Variants in GABRB3 observed in about 807,000 individuals in gnomAD.
The protein encoded by GABRB3 is gamma-aminobutyric acid type A receptor subunit beta3, also known as gamma-aminobutyric acid receptor subunit beta-3.
In GABRB3, 14 loss-of-function variants were observed where a neutral mutation model predicts 52.1. That is an observed-to-expected ratio of 0.27 (90% CI 0.18 to 0.42). The LOEUF is 0.42. GABRB3 is among the 10% of genes least tolerant of loss of function. GABRB3 has a pLI of 1.00. For missense variants in GABRB3, 307 were observed against 609.1 expected, an observed-to-expected ratio of 0.50 and a Z score of 5.22; for synonymous variants, 260 against 232.3, an observed-to-expected ratio of 1.12 and a Z score of -1.08.
chr15:26,624,926 G>T lies in GABRB3; in HGVS notation c.241-3392C>A, dbSNP rs565085774. Reference sequence around the variant, plus strand: ...ACTGAGCCAGGAACAGCGGGCAGCCGCTTGTGTGAGTGATCCTTCAGCAAA... The same window carrying T: ...ACTGAGCCAGGAACAGCGGGCAGCCTCTTGTGTGAGTGATCCTTCAGCAAA... On this transcript the variant is annotated intron_variant, in intron 3 of 8. Transcript: ENST00000311550. 8.1e-6 allele frequency: 8 copies of T among 985,544 alleles called. No individual in the cohort carries two copies. The East Asian group carries it at 9.1e-4, about 112-fold the overall frequency. The allele number at this position is 985,544 out of a possible 1,614,324, so 61.0% of individuals were successfully genotyped here.
chr15:26,560,259 C>A (rs1221133062), intron 8 of GABRB3, among the ~76,000 whole-genome samples: 1 of 152,170 alleles, frequency 6.6e-6, no homozygotes, highest in Non-Finnish European at 1.5e-5. Context: ...CAAGCCTGCC[C>A]AAGTCCTACA....
At chr15:26,607,019 A>C (rs953988888) in intron 4 of GABRB3, among the ~76,000 whole-genome samples, 7 of 152,138 alleles carry the variant, frequency 4.6e-5, no homozygotes, top group African/African-American at 1.7e-4. Context: ...TACTTCAACC[A>C]CTCAAAGACT....
chr15:26,560,167 G>A lies in GABRB3; in HGVS notation c.1080+765C>T, dbSNP rs184329423. 4.2e-3 allele frequency among the ~76,000 whole-genome samples: 641 copies of A among 152,246 alleles called. 7 individuals are homozygous for A. Among genetic ancestry groups the A allele is most frequent in the Middle Eastern group, 6.8e-3 (2 of 294 alleles). On this transcript the variant is annotated intron_variant, in intron 8 of 8. Coordinates refer to ENST00000311550, the MANE Select transcript of GABRB3 (RefSeq NM_000814.6). ...TTTGTAGGAAACTATAGATGATTTT[G>A]GCTTCTCCAGCATCAACACTAATAT...
intron 3 of GABRB3, among the ~76,000 whole-genome samples, chr15:26,683,731 G>A (rs1325969822): frequency 2.0e-5 from 3 of 151,844 alleles, no homozygotes; most frequent in Non-Finnish European, 4.4e-5. Flanking sequence ...AGGGTCGGGG[G>A]GAACAAAACA....
chr15:26,668,544 T>C (rs1173047540), intron 3 of GABRB3, among the ~76,000 whole-genome samples: 1 of 152,068 alleles, frequency 6.6e-6, no homozygotes, highest in Non-Finnish European at 1.5e-5. Flanking sequence ...TGTGTTTTTT[T>C]CTGTCAATTG....
At chr15:26,685,833 C>T (rs1429314344) in intron 3 of GABRB3, among the ~76,000 whole-genome samples, 1 of 141,062 alleles carries the variant, frequency 7.1e-6, no homozygotes, top group African/African-American at 2.6e-5. Context: ...GAGACGGGGT[C>T]TCACTCTGTC....
intron 3 of GABRB3, among the ~76,000 whole-genome samples, chr15:26,649,474 G>T (rs1348736583): frequency 6.6e-6 from 1 of 152,176 alleles, no homozygotes; most frequent in Non-Finnish European, 1.5e-5. Flanking sequence ...CATTTCTATT[G>T]TTAATAAATT....
intron 3 of GABRB3, among the ~76,000 whole-genome samples, chr15:26,685,240 C>T (rs1195831563): frequency 6.6e-6 from 1 of 152,210 alleles, no homozygotes; most frequent in African/African-American, 2.4e-5. Context: ...GAAGCCCCTT[C>T]CTCTCAGCTC....
chr15:26,712,194 T>C (rs1456848989), intron 3 of GABRB3, among the ~76,000 whole-genome samples: 1 of 151,076 alleles, frequency 6.6e-6, no homozygotes, highest in African/African-American at 2.4e-5. Flanking sequence ...TTTTTTTTGT[T>C]ATACAGACAG....
chr15:26,758,928 C>A (rs569191340), intron 3 of GABRB3, among the ~76,000 whole-genome samples: 1 of 152,166 alleles, frequency 6.6e-6, no homozygotes, highest in Non-Finnish European at 1.5e-5. Flanking sequence ...CAACAGGATT[C>A]CATCTACAGC....
At chr15:26,616,062 T>C in intron 4 of GABRB3, 2 of 1,289,160 alleles carry the variant, frequency 1.6e-6, no homozygotes, top group Non-Finnish European at 2.0e-6. Flanking sequence ...CCATAGTACC[T>C]ATTTACCAAA....
At chr15:26,581,727 G>A (rs1890798087) in intron 5 of GABRB3, among the ~76,000 whole-genome samples, 1 of 152,144 alleles carries the variant, frequency 6.6e-6, no homozygotes, top group African/African-American at 2.4e-5. Context: ...TTTGCATCTT[G>A]GCTGAAATAA....
At chr15:26,686,109 A>G (rs896841178) in intron 3 of GABRB3, among the ~76,000 whole-genome samples, 1 of 151,660 alleles carries the variant, frequency 6.6e-6, no homozygotes, top group Non-Finnish European at 1.5e-5. Context: ...TACCTGACTA[A>G]TTTTTTTATT....
intron 7 of GABRB3, among the ~76,000 whole-genome samples, chr15:26,565,781 G>C (rs549005094): frequency 6.6e-6 from 1 of 152,044 alleles, no homozygotes; most frequent in Non-Finnish European, 1.5e-5. Flanking sequence ...ATGGTTCCTT[G>C]GTACTCATAT....
chr15:26,612,795 T>C (rs887752440), intron 4 of GABRB3: 1 of 152,214 alleles, frequency 6.6e-6, no homozygotes, highest in African/African-American at 2.4e-5. Context: ...TGGTAACTAT[T>C]AGGACAAATA....
chr15:26,746,284 T>C (rs1890336867), intron 3 of GABRB3, among the ~76,000 whole-genome samples: 1 of 152,036 alleles, frequency 6.6e-6, no homozygotes, highest in Admixed American at 6.6e-5. Flanking sequence ...TCAGTGCATA[T>C]GTTTTGCCCA....
At chr15:26,731,957 T>C (rs1889926469) in intron 3 of GABRB3, among the ~76,000 whole-genome samples, 1 of 152,188 alleles carries the variant, frequency 6.6e-6, no homozygotes, top group African/African-American at 2.4e-5. Flanking sequence ...TTCTCACAGA[T>C]AGGTGAATTG....
intron 4 of GABRB3, among the ~76,000 whole-genome samples, chr15:26,602,060 G>A (rs910676373): frequency 6.6e-6 from 1 of 152,090 alleles, no homozygotes. Context: ...TGAAGGAATG[G>A]AAGAAGATAC....
chr15:26,552,845 G>C (rs116217538), intron 8 of GABRB3, among the ~76,000 whole-genome samples: 4 of 152,286 alleles, frequency 2.6e-5, no homozygotes, highest in African/African-American at 9.6e-5. Flanking sequence ...GAGGGCCTGG[G>C]AGGGGGGTTC....
Sources: allele counts gnomAD v4.1 joint callset (sites outside exome capture counted in the v4.1 genomes callset), GRCh38; gene constraint gnomAD v4.1.1; transcripts MANE v1.5; gene names NCBI Gene and HGNC (gene_info 2026-07-23, HGNC 2026-07-21).